Variants in FCHSD2 observed in about 807,000 individuals in gnomAD.
FCHSD2 encodes FCH and double SH3 domains 2, also known as F-BAR and double SH3 domains protein 2.
FCHSD2 carries 38 observed loss-of-function variants against 108.1 expected under a neutral mutation model. That is an observed-to-expected ratio of 0.35 (90% CI 0.27 to 0.46). FCHSD2 has a LOEUF of 0.46. Among genes scored for constraint, FCHSD2 ranks in the 20% least tolerant of loss-of-function variants. FCHSD2 has a pLI of 1.00. For synonymous variants in FCHSD2, 279 were observed against 314.7 expected (o/e 0.89, Z 1.20); for missense variants, 751 against 897.8 (o/e 0.84, Z 2.09).
intron 14 of FCHSD2, among the ~76,000 whole-genome samples, chr11:72,845,208 G>C (rs576536593): frequency 2.6e-5 from 4 of 151,984 alleles, no homozygotes; most frequent in East Asian, 1.9e-4. Flanking sequence ...ATCACTTGAG[G>C]CCAGCAGTTT....
chr11:72,960,170 G>A (rs963617466), intron 8 of FCHSD2, among the ~76,000 whole-genome samples: 2 of 152,094 alleles, frequency 1.3e-5, no homozygotes, highest in Non-Finnish European at 2.9e-5. Flanking sequence ...ATAGTGGAAG[G>A]CGAAGGCAGA....
At chr11:72,885,535 A>G (rs1855179231) in intron 12 of FCHSD2, among the ~76,000 whole-genome samples, 1 of 152,092 alleles carries the variant, frequency 6.6e-6, no homozygotes, top group African/African-American at 2.4e-5. Context: ...TACTACTGCT[A>G]CTACTGGGGA....
At chr11:73,061,335 T>C (rs986549324) in intron 3 of FCHSD2, among the ~76,000 whole-genome samples, 1 of 152,228 alleles carries the variant, frequency 6.6e-6, no homozygotes, top group African/African-American at 2.4e-5. Context: ...CTCCAGTGCC[T>C]ACCCCACCAG....
In FCHSD2 at chr11:73,001,048, T is replaced by C. The variant is rs368880489; in HGVS notation, c.329A>G (p.Asn110Ser). 1.3e-4 allele frequency: 215 copies of C among 1,612,568 alleles called. No individual in the cohort carries two copies. Among genetic ancestry groups the C allele is most frequent in the Admixed American group, 1.7e-4 (10 of 59,770 alleles). ...TGTCCTTGCAGGCTCAGAAATGAAG[T>C]TTTTATAGTTTTCACATATATTCAT... The part of the protein sequence containing the change: ...SRMNICENYK[N>S]FISEPARTVR... The change falls in exon 5 of 20, where the codon AAC (asparagine) becomes AGC (serine). Residue 110 changes from asparagine to serine, a missense_variant. By Grantham distance (46) the Asn-to-Ser change is conservative. Coordinates refer to ENST00000409418, the MANE Select transcript of FCHSD2 (RefSeq NM_014824.3).
rs531321332 is a variant in FCHSD2 at position 73,045,783 on chromosome 11, G to A, written c.166-29898C>T. Among the ~76,000 whole-genome samples, 22 of 152,032 alleles carry A rather than the reference G, an allele frequency of 1.4e-4. No individual in the cohort carries two copies. The East Asian group carries it at 2.9e-3, about 20-fold the overall frequency. ...GGGACTGTTGTGGGGTGGGGGGAGC[G>A]GGGAGGGATAGCATTGGGAGATATA... On this transcript the variant is annotated intron_variant, in intron 3 of 19. Coordinates refer to ENST00000409418, the MANE Select transcript of FCHSD2 (RefSeq NM_014824.3).
chr11:72,904,684 A>G (rs1855592354), intron 9 of FCHSD2, among the ~76,000 whole-genome samples: 1 of 152,176 alleles, frequency 6.6e-6, no homozygotes, highest in South Asian at 2.1e-4. Context: ...AATTTCCCTG[A>G]TTGTTTCTTT....
intron 13 of FCHSD2, among the ~76,000 whole-genome samples, chr11:72,856,711 G>T (rs1861437064): frequency 6.6e-6 from 1 of 152,060 alleles, no homozygotes; most frequent in South Asian, 2.1e-4. Flanking sequence ...TCAGTTCGGT[G>T]GCAAAACAGT....
At chr11:72,972,278 A>G (rs189800427) in intron 8 of FCHSD2, among the ~76,000 whole-genome samples, 1 of 152,314 alleles carries the variant, frequency 6.6e-6, no homozygotes, top group African/African-American at 2.4e-5. Context: ...GTTTTGATTT[A>G]TATTTTTATG....
chr11:73,075,994 C>T (rs1291670516), intron 3 of FCHSD2, among the ~76,000 whole-genome samples: 4 of 151,982 alleles, frequency 2.6e-5, no homozygotes, highest in Non-Finnish European at 4.4e-5. Context: ...TGGTGCACAC[C>T]TGTAGTCCCA....
At chr11:72,987,714 T>A (rs1363116757) in intron 6 of FCHSD2, among the ~76,000 whole-genome samples, 1 of 152,192 alleles carries the variant, frequency 6.6e-6, no homozygotes, top group Non-Finnish European at 1.5e-5. Flanking sequence ...CTCATGTTCA[T>A]CCTGTGGGCT....
At chr11:73,114,429 T>G (rs1463330300) in intron 2 of FCHSD2, among the ~76,000 whole-genome samples, 1 of 151,998 alleles carries the variant, frequency 6.6e-6, no homozygotes. Flanking sequence ...TCTACCCAAC[T>G]GTGGCCAAGC....
chr11:72,948,757 C>T (rs1180054738), intron 8 of FCHSD2, among the ~76,000 whole-genome samples: 1 of 151,884 alleles, frequency 6.6e-6, no homozygotes, highest in African/African-American at 2.4e-5. Flanking sequence ...GCTCCATCTC[C>T]CAGGTTCACA....
At chr11:72,919,653 C>T (rs796714939) in intron 9 of FCHSD2, among the ~76,000 whole-genome samples, 64 of 152,164 alleles carry the variant, frequency 4.2e-4, no homozygotes, top group African/African-American at 1.4e-3. Flanking sequence ...CTATCTGTTA[C>T]GACTATAATG....
chr11:72,934,977 A>C (rs752109059), intron 8 of FCHSD2, among the ~76,000 whole-genome samples: 7 of 152,132 alleles, frequency 4.6e-5, no homozygotes, highest in Non-Finnish European at 8.8e-5. Flanking sequence ...CCAGGTAGCT[A>C]TTAGGCCACA....
intron 3 of FCHSD2, among the ~76,000 whole-genome samples, chr11:73,026,579 G>A (rs1166124690): frequency 6.6e-6 from 1 of 152,180 alleles, no homozygotes; most frequent in African/African-American, 2.4e-5. Flanking sequence ...AAGATAGGGG[G>A]AGGTGGTTTG....
intron 3 of FCHSD2, among the ~76,000 whole-genome samples, chr11:73,027,861 G>T (rs958414590): frequency 6.6e-6 from 1 of 152,266 alleles, no homozygotes; most frequent in Non-Finnish European, 1.5e-5. Context: ...TACAGCTCGA[G>T]CTGTTGCTTC....
intron 4 of FCHSD2, among the ~76,000 whole-genome samples, chr11:73,015,420 T>G (rs191721065): frequency 1.3e-5 from 2 of 152,328 alleles, no homozygotes; most frequent in Admixed American, 1.3e-4. Flanking sequence ...TAGAATTTAT[T>G]TCAAAAGTAT....
At chr11:73,063,551 G>A (rs1327382270) in intron 3 of FCHSD2, among the ~76,000 whole-genome samples, 2 of 152,224 alleles carry the variant, frequency 1.3e-5, no homozygotes, top group Middle Eastern at 6.8e-3. Flanking sequence ...CCCATCTCAT[G>A]TGCAAAGACA....
At chr11:73,074,288 C>A (rs1043590647) in intron 3 of FCHSD2, among the ~76,000 whole-genome samples, 4 of 152,104 alleles carry the variant, frequency 2.6e-5, no homozygotes, top group Non-Finnish European at 5.9e-5. Flanking sequence ...ACAAAATATG[C>A]TTGCAAGACT....
Sources: gnomAD v4.1 joint callset for allele counts (sites outside exome capture counted in the v4.1 genomes callset) on GRCh38, gnomAD v4.1.1 for gene constraint, MANE v1.5 for transcripts, NCBI Gene and HGNC (gene_info 2026-07-23, HGNC 2026-07-21) for gene names.